The following CCDC7 variants were observed in gnomAD, a reference collection of about 807,000 sequenced individuals.
CCDC7 encodes the protein coiled-coil domain-containing protein 7.
CCDC7 carries 183 observed loss-of-function variants against 196.9 expected under a neutral mutation model. The ratio of observed to expected loss-of-function variants is 0.93; its 90% confidence interval spans 0.82 to 1.05. CCDC7 has a LOEUF of 1.05. CCDC7 is among the 50% of genes least tolerant of loss of function. The probability of loss-of-function intolerance (pLI) is 0.00; values close to 1 mark genes in which losing one functional copy is unlikely to be tolerated. For missense variants in CCDC7, 1,540 were observed against 1,482.2 expected (o/e 1.04, Z -0.64); for synonymous variants, 525 against 484.6 (o/e 1.08, Z -1.10).
chr10:32,874,295 C>T (rs918704365), intron 41 of CCDC7, among the ~76,000 whole-genome samples: 1 of 151,204 alleles, frequency 6.6e-6, no homozygotes, highest in African/African-American at 2.4e-5. Flanking sequence ...TTTTTTACTT[C>T]AATAGCTTTG....
chr10:32,735,461 C>T (rs2084705586), intron 28 of CCDC7, among the ~76,000 whole-genome samples: 2 of 152,096 alleles, frequency 1.3e-5, no homozygotes, highest in Non-Finnish European at 2.9e-5. Flanking sequence ...ATTTACAATT[C>T]CTTAATGACA....
At chr10:32,506,283 C>T in intron 9 of CCDC7, among the ~76,000 whole-genome samples, 1 of 151,152 alleles carries the variant, frequency 6.6e-6, no homozygotes, top group East Asian at 2.0e-4. Context: ...GCGCTCCTCA[C>T]ATCCCAGACG....
At chr10:32,492,907 TC>T (rs2042359850) in intron 9 of CCDC7, among the ~76,000 whole-genome samples, 1 of 152,150 alleles carries the variant, frequency 6.6e-6, no homozygotes, top group Non-Finnish European at 1.5e-5. Flanking sequence ...GAATATTTTT[TC>T]ACCTGTAAAC....
intron 32 of CCDC7, among the ~76,000 whole-genome samples, chr10:32,831,498 T>TA (rs2092163245): frequency 6.6e-6 from 1 of 152,204 alleles, no homozygotes; most frequent in Non-Finnish European, 1.5e-5. Flanking sequence ...TTTGGACTCT[T>TA]ATAATAACAT....
At chr10:32,708,123 G>C (rs1179985595) in intron 24 of CCDC7, among the ~76,000 whole-genome samples, 1 of 152,052 alleles carries the variant, frequency 6.6e-6, no homozygotes, top group Non-Finnish European at 1.5e-5. Context: ...CCAAAACAGA[G>C]ATATAGACCA....
intron 11 of CCDC7, 106 bp from the exon 13 acceptor site, chr10:32,543,194 A>C (rs2051804977): frequency 9.3e-7 from 1 of 1,080,260 alleles, no homozygotes; most frequent in African/African-American, 1.7e-5. Flanking sequence ...AACGTTGTAT[A>C]GTGACTCTCA....
At chr10:32,554,896 C>T (rs1044053608) in intron 13 of CCDC7, among the ~76,000 whole-genome samples, 3 of 152,164 alleles carry the variant, frequency 2.0e-5, no homozygotes, top group South Asian at 2.1e-4. Flanking sequence ...CATCATTCTG[C>T]GCTCTATCTC....
At chr10:32,566,294 A>G (rs1234671550) in intron 14 of CCDC7, among the ~76,000 whole-genome samples, 1 of 152,164 alleles carries the variant, frequency 6.6e-6, no homozygotes, top group Admixed American at 6.5e-5. Context: ...GGAGACAGAA[A>G]AGACATAGCA....
At chr10:32,482,332 C>T (rs781637820) in intron 8 of CCDC7, among the ~76,000 whole-genome samples, 1 of 151,906 alleles carries the variant, frequency 6.6e-6, no homozygotes, top group Non-Finnish European at 1.5e-5. Flanking sequence ...AGGTAATAGC[C>T]TTTAAAATTC....
At chr10:32,506,218 C>T (rs1342723087) in intron 9 of CCDC7, among the ~76,000 whole-genome samples, 29 of 132,358 alleles carry the variant, frequency 2.2e-4, no homozygotes, top group Admixed American at 9.5e-4. Context: ...TCCTCCCAGA[C>T]GGGGTGGCCG....
intron 20 of CCDC7, among the ~76,000 whole-genome samples, chr10:32,658,330 C>T (rs1272530397): frequency 6.6e-6 from 1 of 152,200 alleles, no homozygotes; most frequent in Non-Finnish European, 1.5e-5. Context: ...TTCCACATGG[C>T]TGGGATGGCC....
intron 33 of CCDC7, among the ~76,000 whole-genome samples, chr10:32,840,127 C>G (rs2092880239): frequency 6.6e-6 from 1 of 151,736 alleles, no homozygotes; most frequent in South Asian, 2.1e-4. Flanking sequence ...AAACCCAAAC[C>G]CAGCAGAAGA....
At chr10:32,853,683 C>T (rs2093647326) in intron 40 of CCDC7, among the ~76,000 whole-genome samples, 1 of 152,014 alleles carries the variant, frequency 6.6e-6, no homozygotes, top group Admixed American at 6.6e-5. Context: ...TCTAGTATCT[C>T]CTCCTTAATT....
chr10:32,705,229 G>C (rs1016054191), intron 24 of CCDC7, among the ~76,000 whole-genome samples: 5 of 152,066 alleles, frequency 3.3e-5, no homozygotes, highest in Admixed American at 3.3e-4. Flanking sequence ...AGCTTCATAA[G>C]TGAAGGAGAA....
chr10:32,561,245 T>A (rs527664661), intron 13 of CCDC7, among the ~76,000 whole-genome samples: 8 of 152,050 alleles, frequency 5.3e-5, no homozygotes, highest in Admixed American at 2.6e-4. Flanking sequence ...CTGTCAACAT[T>A]AGACAGATCA....
chr10:32,831,634 A>T (rs892576727), intron 32 of CCDC7, among the ~76,000 whole-genome samples: 4 of 151,460 alleles, frequency 2.6e-5, no homozygotes, highest in Non-Finnish European at 5.9e-5. Context: ...AAACTGAGAC[A>T]CAAACATACA....
chr10:32,560,831 T>A (rs1307119755), intron 13 of CCDC7, among the ~76,000 whole-genome samples: 1 of 152,216 alleles, frequency 6.6e-6, no homozygotes, highest in East Asian at 1.9e-4. Context: ...ATATTAACTT[T>A]AAATGTAAAT....
chr10:32,873,696 G>A (rs1225620265), intron 41 of CCDC7, among the ~76,000 whole-genome samples: 1 of 151,862 alleles, frequency 6.6e-6, no homozygotes, highest in Non-Finnish European at 1.5e-5. Context: ...ACATTCATGT[G>A]ACATTCTTTT....
rs557971293 is a variant in CCDC7 at position 32,644,789 on chromosome 10, A to G, written c.2014+9631A>G. 1.4e-3 allele frequency among the ~76,000 whole-genome samples: 219 copies of G among 152,308 alleles called. 1 individual carries two copies. Among genetic ancestry groups the G allele is most frequent in the African/African-American group, 5.0e-3 (209 of 41,572 alleles). On this transcript the variant is annotated intron_variant, in intron 20 of 41. Transcript: ENST00000639629. ...TGAGACGTGCCTTTCACCTTCTGAC[A>G]TGATTGTAAGGCCTCCCCAGTCACC... is the stretch of plus-strand genomic sequence containing the variant.
Sources: allele counts gnomAD v4.1 joint callset (sites outside exome capture counted in the v4.1 genomes callset), GRCh38; gene constraint gnomAD v4.1.1; transcripts MANE v1.5; gene names NCBI Gene and HGNC (gene_info 2026-07-23, HGNC 2026-07-21).